FREM1: variants seen among roughly 807,000 people sequenced by gnomAD.
The protein encoded by FREM1 is FRAS1-related extracellular matrix protein 1.
A neutral mutation model predicts 210.1 loss-of-function variants in FREM1; 220 were observed. The observed-to-expected ratio is 1.05, with a 90% CI of 0.94 to 1.17. FREM1 has a LOEUF of 1.17. Ranked by LOEUF, FREM1 falls within the 50% of genes most tolerant of loss-of-function variation. FREM1 has a pLI of 0.00. For missense variants in FREM1, 3,454 were observed against 2,675.5 expected (o/e 1.29, Z -6.42); for synonymous variants, 1,189 against 980.2 (o/e 1.21, Z -3.98).
At chr9:14,855,259 T>G (rs747460272) in intron 5 of FREM1, among the ~76,000 whole-genome samples, 1 of 152,122 alleles carries the variant, frequency 6.6e-6, no homozygotes, top group Non-Finnish European at 1.5e-5. Flanking sequence ...GTTATATCCT[T>G]ATATACAATA....
Position 14,857,686 on chromosome 9 carries a change from C to G in FREM1, c.695G>C (p.Ser232Thr), listed in dbSNP as rs771371925. The G allele has an allele frequency of 2.5e-6, 4 of 1,613,684 alleles. No homozygotes were observed. In the African/African-American group the frequency reaches 5.3e-5, roughly 22 times the overall value. ...SCTPGLKKIGSLKVSCEEFLL... is the reference protein window; with the variant it reads ...SCTPGLKKIGTLKVSCEEFLL... ...GAACTCCTCACAGCTCACTTTGAGG[C>G]TTCCTATTTTCTTTAATCCTGGGGT... The change falls in exon 5 of 37, where the codon AGC becomes ACC. Residue 232 changes from serine to threonine, a missense_variant. Physicochemically the swap from Ser to Thr is moderately conservative, Grantham distance 58. Transcript: ENST00000380880.
At chr9:14,859,143 G>C (rs1415528321) in intron 4 of FREM1, 40 bp downstream of exon 4, 1 of 1,490,502 alleles carries the variant, frequency 6.7e-7, no homozygotes, top group East Asian at 2.3e-5. Flanking sequence ...ATTTTTGTCA[G>C]TTTTGGTAAT....
At chr9:14,745,378 C>A (rs1359300696) in intron 35 of FREM1, among the ~76,000 whole-genome samples, 1 of 152,130 alleles carries the variant, frequency 6.6e-6, no homozygotes, top group African/African-American at 2.4e-5. Flanking sequence ...TACCTAATAT[C>A]TAACGGTTTT....
intron 1 of FREM1, among the ~76,000 whole-genome samples, chr9:14,878,229 C>A (rs1834131454): frequency 6.6e-6 from 1 of 152,152 alleles, no homozygotes; most frequent in Admixed American, 6.5e-5. Flanking sequence ...CCTCTTCTCT[C>A]TCTCAGCTCA....
chr9:14,892,551 G>A (rs1015518280), intron 1 of FREM1, among the ~76,000 whole-genome samples: 1 of 152,084 alleles, frequency 6.6e-6, no homozygotes. Context: ...AGCTAAGAAC[G>A]GGTTTGGCAC....
intron 10 of FREM1, among the ~76,000 whole-genome samples, chr9:14,835,987 G>A (rs752397302): frequency 3.9e-5 from 6 of 152,178 alleles, no homozygotes; most frequent in Non-Finnish European, 7.3e-5. Flanking sequence ...AAAAAGGGAC[G>A]GGTAACGTCA....
chr9:14,766,347 G>T (rs1354735478), intron 27 of FREM1, among the ~76,000 whole-genome samples: 1 of 152,018 alleles, frequency 6.6e-6, no homozygotes, highest in Non-Finnish European at 1.5e-5. Context: ...TGAAAAATTG[G>T]TTCCCTGAGC....
intron 22 of FREM1, among the ~76,000 whole-genome samples, chr9:14,789,559 G>C (rs1000415404): frequency 6.6e-6 from 1 of 151,888 alleles, no homozygotes; most frequent in Non-Finnish European, 1.5e-5. Context: ...CTCATTACTG[G>C]GCTTGTCTGA....
At chr9:14,868,145 A>G (rs1386229317) in intron 2 of FREM1, among the ~76,000 whole-genome samples, 1 of 152,222 alleles carries the variant, frequency 6.6e-6, no homozygotes, top group Non-Finnish European at 1.5e-5. Flanking sequence ...TAGATGAAAC[A>G]TCTTCAAGTT....
intron 24 of FREM1, among the ~76,000 whole-genome samples, chr9:14,777,304 T>C (rs535098722): frequency 3.4e-4 from 52 of 152,338 alleles, no homozygotes; most frequent in African/African-American, 1.2e-3. Flanking sequence ...TTTGTAGCAT[T>C]ACAATATGTA....
At chr9:14,752,742 G>C (rs1011897128) in intron 29 of FREM1, among the ~76,000 whole-genome samples, 1 of 152,084 alleles carries the variant, frequency 6.6e-6, no homozygotes, top group East Asian at 1.9e-4. Context: ...GACCCTCAAA[G>C]ACCATAAAGT....
Position 14,770,699 on chromosome 9 carries a change from C to A in FREM1, c.4965G>T (p.Val1655=), listed in dbSNP as rs751853551. The change falls in exon 26 of 37, where the codon GTG becomes GTT. Residue 1655 remains valine, a synonymous_variant. Transcript: ENST00000380880. ...CAGTGTCAGGGTCTGATGCCTTCAA[C>A]ACGCGGGAAGTGATGTAAATCCCGT... ...GCYGIYITSR[V]LKASDPDTED... 1 of 1,613,394 alleles carries A rather than the reference C, an allele frequency of 6.2e-7. No individual in the cohort carries two copies. The highest frequency in any genetic ancestry group is 8.5e-7 in the Non-Finnish European group (1 of 1,179,432).
intron 26 of FREM1, 136 bp from the exon 27 acceptor site, chr9:14,770,004 C>T (rs1563880220): frequency 9.6e-6 from 5 of 523,062 alleles, no homozygotes; most frequent in Non-Finnish European, 1.3e-5. Flanking sequence ...AAGAAATTAA[C>T]ATTACTGTAA....
At chr9:14,859,086 A>G in intron 4 of FREM1, 97 bp downstream of exon 4, 1 of 784,788 alleles carries the variant, frequency 1.3e-6, no homozygotes, top group Non-Finnish European at 2.0e-6. Flanking sequence ...TAAAATGACT[A>G]GTTAACTAGA....
At position 14,806,786 on chromosome 9, in the gene FREM1, G is replaced by A. The variant is rs780456510; in HGVS notation, c.3149C>T (p.Ala1050Val). The change falls in exon 18 of 37, where the codon GCC (alanine) becomes GTC (valine). Residue 1050 changes from alanine (A) to valine (V), a missense_variant. Physicochemically the swap from Ala to Val is moderately conservative, Grantham distance 64. Coordinates refer to ENST00000380880, the MANE Select transcript of FREM1 (RefSeq NM_001379081.2). Reference protein sequence around the residue: ...STALTVNHLSATDPDTAADDL... With the variant: ...STALTVNHLSVTDPDTAADDL... ...ATCTGCTGCAGTGTCAGGGTCAGTG[G>A]CGGACAAATGGTTAACAGTAAGGGC... The A allele has an allele frequency of 5.0e-6, 8 of 1,607,524 alleles. No individual in the cohort carries two copies. The Admixed American group carries it at 6.8e-5, about 14-fold the overall frequency.
chr9:14,784,379 T>A lies in FREM1; in HGVS notation c.4433A>T (p.Asp1478Val). The A allele has an allele frequency of 6.2e-7, 1 of 1,613,468 alleles. No homozygotes were observed. Among genetic ancestry groups the A allele is most frequent in the Non-Finnish European group, 8.5e-7 (1 of 1,179,502 alleles). ...TTTCCATGGGGCTCACCTGAATCTGTCACTGGAGACAGTCACCTTGCTCTT... is the reference window on the plus strand; with the variant it reads ...TTTCCATGGGGCTCACCTGAATCTGACACTGGAGACAGTCACCTTGCTCTT... ...VHKSKVTVSS[D>V]RFRFIISNGL... The change falls in exon 24 of 37, where the codon GAC (aspartate) becomes GTC (valine). Residue 1478 changes from aspartate to valine, a missense_variant. Coordinates refer to ENST00000380880, the MANE Select transcript of FREM1 (RefSeq NM_001379081.2).
intron 1 of FREM1, among the ~76,000 whole-genome samples, chr9:14,889,256 G>T (rs1836354529): frequency 6.6e-6 from 1 of 152,184 alleles, no homozygotes; most frequent in African/African-American, 2.4e-5. Flanking sequence ...ATGCTTTCTG[G>T]AAAGCTGGTA....
At chr9:14,812,500 C>T (rs888527358) in intron 16 of FREM1, among the ~76,000 whole-genome samples, 1 of 152,118 alleles carries the variant, frequency 6.6e-6, no homozygotes. Flanking sequence ...ATAGACCCAC[C>T]AACTACGATG....
chr9:14,747,216 C>G (rs375371745), intron 33 of FREM1, 48 bp downstream of exon 33: 7 of 1,592,328 alleles, frequency 4.4e-6, no homozygotes, highest in Admixed American at 3.5e-5. Flanking sequence ...TCTGGCCCAG[C>G]AAACAACTTG....
Sources: gnomAD v4.1 joint callset for allele counts (sites outside exome capture counted in the v4.1 genomes callset) on GRCh38, gnomAD v4.1.1 for gene constraint, MANE v1.5 for transcripts, NCBI Gene and HGNC (gene_info 2026-07-23, HGNC 2026-07-21) for gene names.